PSMD14: variants seen among roughly 807,000 people sequenced by gnomAD.
PSMD14 encodes proteasome 26S subunit, non-ATPase 14, also known as ubiquitin C-terminal hydrolase PSMD14.
In PSMD14, 7 loss-of-function variants were observed where a neutral mutation model predicts 41.2. The ratio of observed to expected loss-of-function variants is 0.17; its 90% CI spans 0.10 to 0.32. The LOEUF (loss-of-function observed/expected upper bound fraction) is 0.32, where lower values mean the gene tolerates loss of function less well. Ranked by LOEUF, PSMD14 falls within the 10% of genes least tolerant of loss-of-function variation. The pLI, the probability that PSMD14 is intolerant of heterozygous loss-of-function variation, is 1.00. For missense variants in PSMD14, 139 were observed against 375.6 expected (o/e 0.37, Z 5.21); for synonymous variants, 114 against 122.3 (o/e 0.93, Z 0.45).
rs534174603 is a variant in PSMD14, at chr2:161,309,292, G to T, written c.-138+688G>T. ...GGATGTAGCTCTGTGTCTGTCAAAA[G>T]AAAAAGAATGTAAACTTTTGAGTCT... On this transcript the variant is annotated intron_variant, in intron 1 of 11. Transcript: ENST00000409682. Among the ~76,000 whole-genome samples the T allele has an allele frequency of 2.0e-5, 3 of 152,146 alleles. No individual in the cohort carries two copies. In the East Asian group the frequency reaches 5.8e-4, roughly 29 times the overall value.
intron 9 of PSMD14, 48 bp from the exon 10 acceptor site, chr2:161,395,030 G>C: frequency 6.8e-7 from 1 of 1,479,566 alleles, no homozygotes; most frequent in Non-Finnish European, 9.0e-7. Flanking sequence ...ACAATGAAGG[G>C]GGTATCCTCA....
intron 1 of PSMD14, among the ~76,000 whole-genome samples, chr2:161,314,470 C>T (rs913777352): frequency 6.6e-5 from 10 of 152,118 alleles, no homozygotes; most frequent in African/African-American, 2.4e-4. Context: ...GTGCCATTAC[C>T]ACCTCAGTTT....
At chr2:161,372,006 C>G (rs924985215) in intron 7 of PSMD14, among the ~76,000 whole-genome samples, 5 of 150,744 alleles carry the variant, frequency 3.3e-5, no homozygotes, top group Non-Finnish European at 7.4e-5. Context: ...CCCCATATGC[C>G]ATTTTCCTAT....
At chr2:161,318,764 G>A in intron 2 of PSMD14, 58 bp from the exon 3 acceptor site, 2 of 1,325,194 alleles carry the variant, frequency 1.5e-6, no homozygotes, top group South Asian at 2.4e-5. Context: ...TATATAGATA[G>A]CAATTGAATA....
At chr2:161,358,960 AT>A (rs1337133066) in intron 3 of PSMD14, among the ~76,000 whole-genome samples, 2 of 152,120 alleles carry the variant, frequency 1.3e-5, no homozygotes, top group Non-Finnish European at 2.9e-5. Flanking sequence ...TTAGTGTCCT[AT>A]TTTTGTTGTT....
intron 3 of PSMD14, chr2:161,341,087 C>G (rs1272411690): frequency 1.3e-6 from 2 of 1,524,790 alleles, no homozygotes; most frequent in Non-Finnish European, 1.8e-6. Context: ...CGAGCTCCCC[C>G]AGCCCCGCGG....
chr2:161,395,361 T>C (rs1261672603), intron 10 of PSMD14, among the ~76,000 whole-genome samples, 158 bp downstream of exon 10: 2 of 152,224 alleles, frequency 1.3e-5, no homozygotes, highest in Non-Finnish European at 1.5e-5. Flanking sequence ...CTACTCACCC[T>C]TGCCTTTGTA....
At chr2:161,388,606 T>C (rs1309433001) in intron 8 of PSMD14, among the ~76,000 whole-genome samples, 11 of 152,128 alleles carry the variant, frequency 7.2e-5, no homozygotes, top group Non-Finnish European at 1.6e-4. Context: ...TCTTTTCAGT[T>C]ATTCTATTTA....
At chr2:161,348,486 A>C (rs922948164) in intron 3 of PSMD14, among the ~76,000 whole-genome samples, 1 of 152,210 alleles carries the variant, frequency 6.6e-6, no homozygotes, top group Non-Finnish European at 1.5e-5. Context: ...TGGCCCAACT[A>C]TCCATCAGTA....
At chr2:161,390,638 A>G (rs1683699032) in intron 8 of PSMD14, among the ~76,000 whole-genome samples, 1 of 152,208 alleles carries the variant, frequency 6.6e-6, no homozygotes. Context: ...GGAGACATGC[A>G]TAACATAATT....
At chr2:161,331,741 GT>G (rs1247972200) in intron 3 of PSMD14, among the ~76,000 whole-genome samples, 1 of 152,116 alleles carries the variant, frequency 6.6e-6, no homozygotes, top group Non-Finnish European at 1.5e-5. Flanking sequence ...TTTGAAATGT[GT>G]ATTAAAATTT....
chr2:161,347,340 A>C (rs771180491), intron 3 of PSMD14, among the ~76,000 whole-genome samples: 1 of 151,870 alleles, frequency 6.6e-6, no homozygotes, highest in Admixed American at 6.6e-5. Context: ...TTGGGAGAGG[A>C]GGTCTTGCTA....
chr2:161,357,083 T>TTTTG (rs1388954931), intron 3 of PSMD14, among the ~76,000 whole-genome samples: 2 of 149,672 alleles, frequency 1.3e-5, no homozygotes, highest in Non-Finnish European at 3.0e-5. Flanking sequence ...TGCCTTTTTT[T>TTTTG]TTTTTAGCAC....
chr2:161,320,405 GA>G (rs1211890702), intron 3 of PSMD14, among the ~76,000 whole-genome samples: 3 of 152,072 alleles, frequency 2.0e-5, no homozygotes, highest in Non-Finnish European at 4.4e-5. Flanking sequence ...TATATCAAGT[GA>G]AAAACTTAAT....
chr2:161,345,863 C>T (rs1683034441), intron 3 of PSMD14, among the ~76,000 whole-genome samples: 1 of 151,760 alleles, frequency 6.6e-6, no homozygotes. Context: ...TTTCATTTTT[C>T]TGTTGCTACA....
At chr2:161,328,262 TA>T (rs1314501871) in intron 3 of PSMD14, among the ~76,000 whole-genome samples, 1 of 152,088 alleles carries the variant, frequency 6.6e-6, no homozygotes, top group Non-Finnish European at 1.5e-5. Context: ...GCAAAATATT[TA>T]AATGTCTAAA....
intron 3 of PSMD14, among the ~76,000 whole-genome samples, chr2:161,356,702 T>C (rs1392997632): frequency 1.3e-5 from 2 of 151,888 alleles, no homozygotes; most frequent in African/African-American, 2.4e-5. Flanking sequence ...GGACTAAATA[T>C]GCACTTTTAA....
intron 3 of PSMD14, among the ~76,000 whole-genome samples, chr2:161,342,333 C>CT (rs34424898): frequency 0.074 from 10,896 of 147,256 alleles, 495 homozygotes; most frequent in East Asian, 0.17. Flanking sequence ...TTTGTTGAGA[C>CT]TTTTTTTTTT....
At position 161,323,428 on chromosome 2, in the gene PSMD14, C is replaced by A. The variant is rs552729631; in HGVS notation, c.48+4555C>A. The stretch of plus-strand genomic sequence containing the variant: ...CCTGCAATCTCAGCCCTTTGGGAGA[C>A]CGAGGGGGCAGATGACATAAGGCTA... On this transcript the variant is annotated intron_variant, in intron 3 of 11. Transcript: ENST00000409682. Among the ~76,000 whole-genome samples the A allele has an allele frequency of 1.2e-4, 18 of 152,128 alleles. No individual in the cohort carries two copies. The East Asian group carries it at 2.7e-3, about 23-fold the overall frequency.
Sources: gnomAD v4.1 joint callset for allele counts (sites outside exome capture counted in the v4.1 genomes callset) on GRCh38, gnomAD v4.1.1 for gene constraint, MANE v1.5 for transcripts, NCBI Gene and HGNC (gene_info 2026-07-23, HGNC 2026-07-21) for gene names.